Variants in ERC2 observed in about 807,000 individuals in gnomAD.
The protein encoded by ERC2 is ELKS/RAB6-interacting/CAST family member 2.
Under a neutral mutation model 114.8 loss-of-function variants are expected in ERC2, and 42 were observed. That is an observed-to-expected ratio of 0.37 (90% confidence interval 0.29 to 0.47). The LOEUF (loss-of-function observed/expected upper bound fraction) is 0.47. Among genes scored for constraint, ERC2 ranks in the 20% least tolerant of loss-of-function variants. The probability of loss-of-function intolerance (pLI) is 0.99; values close to 1 mark genes in which losing one functional copy is unlikely to be tolerated. For synonymous variants in ERC2, 454 were observed against 425.5 expected (o/e 1.07, Z -0.82); for missense variants, 939 against 1,150.7 (o/e 0.82, Z 2.66).
intron 3 of ERC2, among the ~76,000 whole-genome samples, chr3:56,217,315 C>T (rs2049555390): frequency 6.6e-6 from 1 of 152,122 alleles, no homozygotes; most frequent in African/African-American, 2.4e-5. Flanking sequence ...AATCAATGTG[C>T]AAAAATCACA....
chr3:55,842,594 G>T (rs76382485), intron 14 of ERC2, among the ~76,000 whole-genome samples: 3,265 of 152,036 alleles, frequency 0.021, 66 homozygotes, highest in South Asian at 0.086. Flanking sequence ...GTTAAATATA[G>T]GTTGCTAGGA....
intron 5 of ERC2, among the ~76,000 whole-genome samples, chr3:56,141,864 T>A (rs535558816): frequency 1.3e-5 from 2 of 152,316 alleles, no homozygotes; most frequent in African/African-American, 4.8e-5. Context: ...GGATCTTTTA[T>A]TTATGTTTAT....
chr3:55,534,819 C>A (rs1315274697), intron 17 of ERC2, among the ~76,000 whole-genome samples: 1 of 152,136 alleles, frequency 6.6e-6, no homozygotes, highest in Non-Finnish European at 1.5e-5. Context: ...TGAAGGAGCA[C>A]AAGGTGATGA....
intron 3 of ERC2, among the ~76,000 whole-genome samples, chr3:56,176,220 T>A (rs1203023275): frequency 3.3e-5 from 5 of 152,236 alleles, no homozygotes; most frequent in Non-Finnish European, 7.3e-5. Flanking sequence ...CAATTCATAA[T>A]AATTTCATAC....
intron 1 of ERC2, among the ~76,000 whole-genome samples, chr3:56,450,228 A>T (rs1340648772): frequency 1.3e-5 from 2 of 152,136 alleles, no homozygotes; most frequent in Non-Finnish European, 2.9e-5. Context: ...AGTTCCCCCA[A>T]ACTCATTTTA....
At chr3:55,779,635 C>G (rs1183778372) in intron 14 of ERC2, among the ~76,000 whole-genome samples, 1 of 152,066 alleles carries the variant, frequency 6.6e-6, no homozygotes, top group African/African-American at 2.4e-5. Context: ...TAAGCTGCAA[C>G]ACTTGCAAAA....
At chr3:56,289,893 G>T (rs1385671818) in intron 3 of ERC2, among the ~76,000 whole-genome samples, 22 of 152,188 alleles carry the variant, frequency 1.4e-4, no homozygotes, top group Non-Finnish European at 1.8e-4. Context: ...CTTTTGCAGT[G>T]TGTGACTGGA....
intron 14 of ERC2, among the ~76,000 whole-genome samples, chr3:55,757,089 C>T (rs2067110796): frequency 6.6e-6 from 1 of 152,150 alleles, no homozygotes; most frequent in South Asian, 2.1e-4. Context: ...AACTACTCCC[C>T]TTGAAACTAT....
chr3:55,555,969 GC>G (rs1370252453), intron 17 of ERC2, among the ~76,000 whole-genome samples: 1 of 152,134 alleles, frequency 6.6e-6, no homozygotes, highest in Non-Finnish European at 1.5e-5. Context: ...TATCCCCCAA[GC>G]CCCACGACTG....
chr3:56,196,043 G>A (rs758136026), intron 3 of ERC2, among the ~76,000 whole-genome samples: 2 of 152,072 alleles, frequency 1.3e-5, no homozygotes, highest in Non-Finnish European at 2.9e-5. Flanking sequence ...CACGAGGAGA[G>A]TATATGCATA....
intron 2 of ERC2, among the ~76,000 whole-genome samples, chr3:56,426,549 A>C (rs923009891): frequency 6.6e-6 from 1 of 152,216 alleles, no homozygotes. Context: ...GCTTGGTTAC[A>C]TCACATGCTT....
chr3:55,784,230 A>G (rs1575590796), intron 14 of ERC2, among the ~76,000 whole-genome samples: 2 of 151,186 alleles, frequency 1.3e-5, no homozygotes, highest in Non-Finnish European at 3.0e-5. Flanking sequence ...TATCTTTGTG[A>G]TTTTTTTTTC....
At chr3:55,583,535 T>TCCTC (rs2057419135) in intron 17 of ERC2, among the ~76,000 whole-genome samples, 1 of 45,830 alleles carries the variant, frequency 2.2e-5, no homozygotes, top group African/African-American at 9.3e-5. Context: ...CTTCCTTCCT[T>TCCTC]CCTTCCTTTC....
intron 7 of ERC2, 67 bp from the exon 8 acceptor site, chr3:56,019,098 G>C: frequency 8.3e-7 from 1 of 1,208,614 alleles, no homozygotes; most frequent in Non-Finnish European, 1.1e-6. Flanking sequence ...TTCCTGAAGT[G>C]GATCTATTAA....
chr3:56,233,927 G>A (rs2050784190), intron 3 of ERC2, among the ~76,000 whole-genome samples: 1 of 151,968 alleles, frequency 6.6e-6, no homozygotes, highest in Admixed American at 6.6e-5. Flanking sequence ...TAATTACATT[G>A]GGCTCACTTG....
At chr3:55,828,628 A>G (rs78922439) in intron 14 of ERC2, among the ~76,000 whole-genome samples, 3,998 of 152,296 alleles carry the variant, frequency 0.026, 185 homozygotes, top group African/African-American at 0.092. Context: ...TCATAAGTTC[A>G]TGTATGAGCT....
intron 3 of ERC2, among the ~76,000 whole-genome samples, chr3:56,193,517 A>C (rs2047918914): frequency 6.6e-6 from 1 of 152,186 alleles, no homozygotes; most frequent in African/African-American, 2.4e-5. Context: ...AAAAAAAAAA[A>C]AAATCAAAAT....
intron 3 of ERC2, among the ~76,000 whole-genome samples, chr3:56,227,392 C>T (rs1022484622): frequency 2.7e-5 from 4 of 149,464 alleles, no homozygotes; most frequent in South Asian, 2.1e-4. Flanking sequence ...GCTTTCAGTT[C>T]GGCTAAAATC....
intron 2 of ERC2, among the ~76,000 whole-genome samples, chr3:56,420,089 A>G (rs545038665): frequency 6.6e-6 from 1 of 150,930 alleles, no homozygotes; most frequent in Admixed American, 6.6e-5. Context: ...TTTCCAAGGG[A>G]TGAATCGGTG....
Sources: allele counts gnomAD v4.1 joint callset (sites outside exome capture counted in the v4.1 genomes callset), GRCh38; gene constraint gnomAD v4.1.1; transcripts MANE v1.5; gene names NCBI Gene and HGNC (gene_info 2026-07-23, HGNC 2026-07-21).